AGTPBP1: variants seen among roughly 807,000 people sequenced by gnomAD.
AGTPBP1 encodes the protein cytosolic carboxypeptidase 1.
AGTPBP1 carries 70 observed loss-of-function variants against 143.9 expected under a neutral mutation model. The observed-to-expected ratio is 0.49, with a 90% CI of 0.40 to 0.59. The LOEUF is 0.59. Ranked by LOEUF, AGTPBP1 falls within the 20% of genes least tolerant of loss-of-function variation. The pLI, the probability that AGTPBP1 is intolerant of heterozygous loss-of-function variation, is 0.00. For synonymous variants in AGTPBP1, 463 were observed against 500.2 expected, an observed-to-expected ratio of 0.93 and a Z score of 0.99; for missense variants, 1,229 against 1,464.5, an observed-to-expected ratio of 0.84 and a Z score of 2.62.
At chr9:85,676,130 G>A (rs1035324046) in intron 6 of AGTPBP1, among the ~76,000 whole-genome samples, 3 of 152,158 alleles carry the variant, frequency 2.0e-5, no homozygotes, top group Non-Finnish European at 2.9e-5. Context: ...AAATGCTTCC[G>A]GATATTGGTC....
chr9:85,638,125 A>G (rs1410524987), intron 13 of AGTPBP1, among the ~76,000 whole-genome samples: 2 of 151,994 alleles, frequency 1.3e-5, no homozygotes, highest in Non-Finnish European at 2.9e-5. Flanking sequence ...TTAGTAAAAA[A>G]AAAGTGTGTA....
the AGTPBP1 span, among the ~76,000 whole-genome samples, chr9:85,798,731 T>C: frequency 5.3e-5 from 8 of 152,150 alleles, no homozygotes; most frequent in African/African-American, 1.7e-4. Context: ...TTTCTTCAAA[T>C]AAATGGAGAT....
chr9:85,660,173 T>C (rs1833767809), intron 9 of AGTPBP1, among the ~76,000 whole-genome samples: 2 of 152,028 alleles, frequency 1.3e-5, no homozygotes, highest in African/African-American at 4.8e-5. Context: ...TAGCTGTTAA[T>C]TATGTCTCCC....
At chr9:85,763,550 A>G in the AGTPBP1 span, among the ~76,000 whole-genome samples, 8 of 151,874 alleles carry the variant, frequency 5.3e-5, no homozygotes, top group South Asian at 8.3e-4. Flanking sequence ...TAGTTCACCT[A>G]TGAATAACAA....
At chr9:85,592,805 C>T (rs1288517665) in intron 18 of AGTPBP1, 101 bp from the exon 19 acceptor site, 4 of 1,411,874 alleles carry the variant, frequency 2.8e-6, no homozygotes, top group African/African-American at 2.9e-5. Context: ...AAGAAAAACC[C>T]GAGTCTGTAA....
chr9:85,591,442 G>A (rs534576955), intron 19 of AGTPBP1, among the ~76,000 whole-genome samples: 11 of 152,184 alleles, frequency 7.2e-5, no homozygotes, highest in African/African-American at 1.7e-4. Flanking sequence ...GGTGAGAAAC[G>A]ATGGTCATGC....
At chr9:85,601,715 G>T (rs569283599) in intron 17 of AGTPBP1, among the ~76,000 whole-genome samples, 1 of 152,178 alleles carries the variant, frequency 6.6e-6, no homozygotes, top group East Asian at 1.9e-4. Context: ...GCCAGCATCT[G>T]AGAAAGTTGC....
chr9:85,748,423 C>T, the AGTPBP1 span, among the ~76,000 whole-genome samples: 1 of 152,166 alleles, frequency 6.6e-6, no homozygotes, highest in Non-Finnish European at 1.5e-5. Context: ...GGATACTTTT[C>T]CGTGGCTGCA....
intron 12 of AGTPBP1, among the ~76,000 whole-genome samples, chr9:85,643,294 TAAATG>T (rs1439262209): frequency 6.6e-6 from 1 of 152,064 alleles, no homozygotes; most frequent in Non-Finnish European, 1.5e-5. Flanking sequence ...GCACTGAAAA[TAAATG>T]AAACACTATG....
the AGTPBP1 span, among the ~76,000 whole-genome samples, chr9:85,787,336 T>G: frequency 6.6e-6 from 1 of 152,082 alleles, no homozygotes; most frequent in Admixed American, 6.6e-5. Flanking sequence ...AGAATAAAAC[T>G]AAAGCATTCT....
At chr9:85,773,257 T>C in the AGTPBP1 span, among the ~76,000 whole-genome samples, 1 of 55,294 alleles carries the variant, frequency 1.8e-5, no homozygotes, top group African/African-American at 7.5e-5. Flanking sequence ...AGAGAGAGAC[T>C]CCTTCTCAAA....
rs948014623 is a variant in AGTPBP1, at chr9:85,632,786, T to C, written c.1891A>G (p.Ile631Val). The part of the protein sequence containing the change: ...GPTLHDPDLY[I>V]EIVKNTKSVP... ...GACTTCGTATTTTTCACAATCTCAA[T>C]ATAGAGGTCTGGGTCATGGAGTGTT... is the stretch of plus-strand genomic sequence containing the variant. Residue 631 changes from isoleucine to valine, a missense_variant, in exon 14 of 26, where the codon ATT (isoleucine) becomes GTT (valine). By Grantham distance (29) the Ile-to-Val change is conservative (BLOSUM62 3). Around this residue, in one of 2 missense-constraint regions of AGTPBP1, gnomAD observed 743 missense variants for 812.2 expected, o/e 0.91. Coordinates refer to ENST00000357081, the MANE Select transcript of AGTPBP1 (RefSeq NM_001330701.2). 6.2e-7 allele frequency: 1 copy of C among 1,614,154 alleles called. No homozygotes were observed. The highest frequency in any genetic ancestry group is 8.5e-7 in the Non-Finnish European group (1 of 1,180,020).
chr9:85,557,327 C>T (rs1826414000), intron 25 of AGTPBP1, among the ~76,000 whole-genome samples: 1 of 152,140 alleles, frequency 6.6e-6, no homozygotes, highest in African/African-American at 2.4e-5. Context: ...ACTTATTTAT[C>T]TGGATGATTT....
At chr9:85,553,532 G>A (rs1212069640) in intron 25 of AGTPBP1, among the ~76,000 whole-genome samples, 2 of 152,110 alleles carry the variant, frequency 1.3e-5, no homozygotes, top group South Asian at 2.1e-4. Flanking sequence ...TCTAACTTAC[G>A]GTATTTTCAG....
intron 10 of AGTPBP1, among the ~76,000 whole-genome samples, chr9:85,656,910 T>C (rs1351715294): frequency 1.3e-5 from 2 of 152,026 alleles, no homozygotes; most frequent in Non-Finnish European, 2.9e-5. Context: ...CTACACATCC[T>C]AGAAAACATG....
intron 2 of AGTPBP1, among the ~76,000 whole-genome samples, chr9:85,701,386 T>C (rs1374857514): frequency 6.6e-6 from 1 of 151,356 alleles, no homozygotes; most frequent in African/African-American, 2.4e-5. Flanking sequence ...CCCACCACCA[T>C]GCCCAGCTAA....
chr9:85,716,957 C>A (rs367682801), intron 1 of AGTPBP1, among the ~76,000 whole-genome samples: 1 of 152,202 alleles, frequency 6.6e-6, no homozygotes, highest in South Asian at 2.1e-4. Context: ...TTTCCTCCAA[C>A]ATGCCAGGCT....
chr9:85,712,818 A>G (rs1420373486), intron 1 of AGTPBP1, among the ~76,000 whole-genome samples: 1 of 152,226 alleles, frequency 6.6e-6, no homozygotes. Flanking sequence ...GAAACCTAAC[A>G]TAATGTCATT....
At position 85,642,924 on chromosome 9, in the gene AGTPBP1, T is replaced by C. The variant is rs754804892; in HGVS notation, c.1205A>G (p.Asp402Gly). 5 of 1,612,368 alleles carry C rather than the reference T, an allele frequency of 3.1e-6. No individual in the cohort carries two copies. In the South Asian group the frequency reaches 3.3e-5, roughly 11 times the overall value. Residue 402 changes from aspartate (D) to glycine (G), a missense_variant, in exon 13 of 26, where the codon GAT (aspartate) becomes GGT (glycine). Physicochemically the swap from Asp to Gly is moderately conservative, Grantham distance 94 (BLOSUM62 -1). Transcript: ENST00000357081. Reference sequence around the variant, plus strand: ...TTGCTGGGGTTTTAGTTTGTTAATATCTGTTTCAATATCATCATTCTGAAA... The same window carrying C: ...TTGCTGGGGTTTTAGTTTGTTAATACCTGTTTCAATATCATCATTCTGAAA... ...QNFKNDDIET[D>G]INKLKPQQEP...
Sources: gnomAD v4.1 joint callset for allele counts (sites outside exome capture counted in the v4.1 genomes callset) on GRCh38, gnomAD v4.1.1 for gene constraint, gnomAD v4.1.1 regional missense constraint, MANE v1.5 for transcripts, NCBI Gene and HGNC (gene_info 2026-07-23, HGNC 2026-07-21) for gene names.